SLTM: variants seen among roughly 807,000 people sequenced by gnomAD.
The protein encoded by SLTM is SAFB like transcription modulator, also known as SAFB-like transcription modulator.
SLTM carries 43 observed loss-of-function variants against 134.6 expected under a neutral mutation model. That is an observed-to-expected ratio of 0.32 (90% confidence interval 0.25 to 0.41). The LOEUF (loss-of-function observed/expected upper bound fraction) is 0.41. Among genes scored for constraint, SLTM ranks in the 10% least tolerant of loss-of-function variants. SLTM has a pLI of 1.00. For missense variants in SLTM, 1,055 were observed against 1,288.8 expected (o/e 0.82, Z 2.78); for synonymous variants, 424 against 432.3 (o/e 0.98, Z 0.24).
intron 2 of SLTM, chr15:58,921,544 C>T (rs576594065): frequency 1.1e-5 from 5 of 438,940 alleles, no homozygotes; most frequent in Admixed American, 9.8e-5. Context: ...ACAGCTGTTA[C>T]AATACAATCA....
intron 19 of SLTM, among the ~76,000 whole-genome samples, chr15:58,885,861 C>G (rs1397106733): frequency 6.6e-6 from 1 of 151,846 alleles, no homozygotes; most frequent in East Asian, 1.9e-4. Flanking sequence ...AAAACAAACA[C>G]CAGCATATAA....
rs757936828 is a variant in SLTM at position 58,879,970 on chromosome 15, A to G, written c.*29T>C. 4.3e-6 allele frequency: 7 copies of G among 1,609,244 alleles called. No homozygotes were observed. Among genetic ancestry groups the G allele is most frequent in the Non-Finnish European group, 5.1e-6 (6 of 1,177,536 alleles). ...AGTTTACAGGAGATTTCAATAAATT[A>G]TCTTAAAACCTTGGCAGAGAGCTCA... On this transcript the variant is annotated 3_prime_UTR_variant, in exon 21 of 21. Transcript: ENST00000380516.
At chr15:58,904,962 G>C (rs1323189631) in intron 5 of SLTM, among the ~76,000 whole-genome samples, 2 of 152,072 alleles carry the variant, frequency 1.3e-5, no homozygotes, top group African/African-American at 2.4e-5. Flanking sequence ...GCCTGCCTCG[G>C]CCTCCCAAAG....
intron 20 of SLTM, 25 bp from the exon 21 acceptor site, chr15:58,880,132 ACAT>A (rs1318669955): frequency 1.2e-6 from 2 of 1,607,424 alleles, no homozygotes; most frequent in Admixed American, 1.7e-5. Context: ...AAAGAAAAAA[ACAT>A]CAGAGAACAA....
At chr15:58,909,734 C>T (rs2036124630) in intron 5 of SLTM, among the ~76,000 whole-genome samples, 1 of 152,154 alleles carries the variant, frequency 6.6e-6, no homozygotes, top group Non-Finnish European at 1.5e-5. Context: ...CCTCTAGATG[C>T]TACAACCACC....
intron 9 of SLTM, among the ~76,000 whole-genome samples, chr15:58,896,029 G>C (rs758757366): frequency 5.3e-5 from 8 of 152,166 alleles, no homozygotes; most frequent in Non-Finnish European, 1.0e-4. Context: ...TTAACTATTT[G>C]ATGTATATGA....
chr15:58,931,473 A>G (rs2037874779), intron 2 of SLTM, among the ~76,000 whole-genome samples: 1 of 152,230 alleles, frequency 6.6e-6, no homozygotes, highest in Non-Finnish European at 1.5e-5. Context: ...GATCACTTAA[A>G]GCAGTAAAGA....
chr15:58,899,263 T>C lies in SLTM; in HGVS notation c.1058+206A>G. ...AAAAAAACCAAATATATGCTGACATTCGACAATGCAATCAGTAGAACACAC... is the reference window on the plus strand; with the variant it reads ...AAAAAAACCAAATATATGCTGACATCCGACAATGCAATCAGTAGAACACAC... On this transcript the variant is annotated intron_variant, in intron 7 of 20. Transcript: ENST00000380516. The surrounding 1 kb of genome is among the most constrained non-coding windows in gnomAD (Gnocchi z 5.0). 2.1e-6 allele frequency: 1 copy of C among 486,262 alleles called. No homozygotes were observed. The highest frequency in any genetic ancestry group is 3.6e-6 in the Non-Finnish European group (1 of 280,738). 30.1% of individuals were successfully genotyped at this position (486,262 alleles called of 1,614,324 possible).
rs185035419 is a variant in SLTM at position 58,883,910 on chromosome 15, T to C, written c.2836-124A>G. 73 of 993,816 alleles carry C rather than the reference T, an allele frequency of 7.3e-5. No homozygotes were observed. The African/African-American group carries it at 1.0e-3, about 14-fold the overall frequency. 61.6% of individuals were successfully genotyped at this position (993,816 alleles called of 1,614,324 possible). A position where few individuals can be genotyped will look rare whatever the true frequency, so the allele number is the denominator to read the frequency against. On this transcript the variant is annotated intron_variant, in intron 19 of 20. Transcript: ENST00000380516. ...GTCAGGAGTTCGAGACCAGCCTGGC[T>C]AACATGGTGCAACCCCGTTTCTACT...
intron 2 of SLTM, among the ~76,000 whole-genome samples, chr15:58,931,424 T>C (rs2037871277): frequency 6.6e-6 from 1 of 152,232 alleles, no homozygotes; most frequent in Admixed American, 6.5e-5. Flanking sequence ...ATTCATTTTA[T>C]TTTAGTTGCA....
rs1290852195 is a variant in SLTM, at chr15:58,893,927, T to G, written c.1542A>C (p.Glu514Asp). Residue 514 changes from glutamate to aspartate, a missense_variant, in exon 12 of 21, where the codon GAA becomes GAC. This residue lies in a region of SLTM where 776 missense variants were observed against 962.2 expected (regional missense o/e 0.81). Transcript: ENST00000380516. Reference protein sequence around the residue: ...KRSSEKSEKKESKDTKKIEGK... With the variant: ...KRSSEKSEKKDSKDTKKIEGK... ...CTTCTATTTTCTTAGTATCCTTGCTTTCTTTTTTTTCAGATTTCTCAGACG... is the reference window on the plus strand; with the variant it reads ...CTTCTATTTTCTTAGTATCCTTGCTGTCTTTTTTTTCAGATTTCTCAGACG... 6.2e-7 allele frequency: 1 copy of G among 1,613,110 alleles called. No homozygotes were observed. Among genetic ancestry groups the G allele is most frequent in the South Asian group, 1.1e-5 (1 of 90,788 alleles).
At chr15:58,903,834 A>C (rs2035671317) in intron 5 of SLTM, among the ~76,000 whole-genome samples, 1 of 152,192 alleles carries the variant, frequency 6.6e-6, no homozygotes, top group African/African-American at 2.4e-5. Context: ...AAAAAAGACG[A>C]AAAAAATGGA....
chr15:58,933,317 G>C, intron 1 of SLTM, 87 bp downstream of exon 1: 2 of 1,415,600 alleles, frequency 1.4e-6, no homozygotes, highest in Non-Finnish European at 1.9e-6. Context: ...GCGGCTGCGG[G>C]CAGCCGGAGG....
chr15:58,889,788 T>C (rs2034517480), intron 15 of SLTM, among the ~76,000 whole-genome samples: 1 of 152,188 alleles, frequency 6.6e-6, no homozygotes. Context: ...TTTGGGAAGG[T>C]CAAGTTTAGT....
At chr15:58,918,451 C>G (rs1345387382) in intron 2 of SLTM, among the ~76,000 whole-genome samples, 1 of 152,092 alleles carries the variant, frequency 6.6e-6, no homozygotes, top group East Asian at 1.9e-4. Flanking sequence ...TCATCTACTC[C>G]CAATTCTAAG....
chr15:58,933,109 C>A (rs964086776), intron 1 of SLTM, among the ~76,000 whole-genome samples: 1 of 152,056 alleles, frequency 6.6e-6, no homozygotes, highest in Non-Finnish European at 1.5e-5. Flanking sequence ...CTTGGGAGGC[C>A]GCGCCGGCCG....
At chr15:58,914,961 C>T (rs1217246570) in intron 3 of SLTM, among the ~76,000 whole-genome samples, 3 of 152,086 alleles carry the variant, frequency 2.0e-5, no homozygotes, top group Non-Finnish European at 2.9e-5. Flanking sequence ...CTTAGGAGGC[C>T]GACGGGTGGA....
intron 14 of SLTM, 92 bp from the exon 15 acceptor site, chr15:58,890,553 C>A: frequency 7.5e-7 from 1 of 1,336,436 alleles, no homozygotes; most frequent in Non-Finnish European, 1.0e-6. Flanking sequence ...TTGAGGTTGG[C>A]AATTTTAAAT....
chr15:58,909,769 A>G (rs1203633391), intron 5 of SLTM, among the ~76,000 whole-genome samples: 1 of 152,240 alleles, frequency 6.6e-6, no homozygotes, highest in African/African-American at 2.4e-5. Context: ...AAAATACAAT[A>G]AACAAAGGAA....
Sources: gnomAD v4.1 joint callset for allele counts (sites outside exome capture counted in the v4.1 genomes callset) on GRCh38, gnomAD v4.1.1 for gene constraint, gnomAD v4.1.1 regional missense constraint, Gnocchi (gnomAD v3.1) non-coding constraint, MANE v1.5 for transcripts, NCBI Gene and HGNC (gene_info 2026-07-23, HGNC 2026-07-21) for gene names.